Variants in CEACAM21 observed in about 807,000 individuals in gnomAD.
CEACAM21 encodes the protein cell adhesion molecule CEACAM21.
In CEACAM21, 38 loss-of-function variants were observed where a neutral mutation model predicts 33.2. That is an observed-to-expected ratio of 1.14 (90% CI 0.88 to 1.50). CEACAM21 has a LOEUF of 1.50. Among genes scored for constraint, CEACAM21 ranks in the 40% most tolerant of loss-of-function variants. The pLI, the probability that CEACAM21 is intolerant of heterozygous loss-of-function variation, is 0.00. For synonymous variants in CEACAM21, 156 were observed against 143.0 expected (o/e 1.09, Z -0.65); for missense variants, 385 against 364.6 (o/e 1.06, Z -0.46).
At chr19:41,585,671 C>A (rs1272792291) in intron 5 of CEACAM21, among the ~76,000 whole-genome samples, 169 bp from the exon 6 acceptor site, 1 of 152,150 alleles carries the variant, frequency 6.6e-6, no homozygotes, top group Non-Finnish European at 1.5e-5. Context: ...CCTCCGGGCT[C>A]TGGGTCATGG....
intron 1 of CEACAM21, chr19:41,555,036 T>G (rs1319367791): frequency 6.6e-6 from 1 of 152,060 alleles, no homozygotes; most frequent in Non-Finnish European, 1.5e-5. Flanking sequence ...CATGTGAACT[T>G]CACCCACCAC....
chr19:41,580,419 A>T (rs2122258765), intron 3 of CEACAM21, among the ~76,000 whole-genome samples: 1 of 152,298 alleles, frequency 6.6e-6, no homozygotes, highest in South Asian at 2.1e-4. Flanking sequence ...ATATCAGCAG[A>T]GGGCTCAGTC....
Position 41,567,398 on chromosome 19 carries a change from A to T in CEACAM21, c.-404+2342A>T, listed in dbSNP as rs115794408. Reference sequence around the variant, plus strand: ...AATGCACTTCTAGATATTACTATATAGAAATGTAGAAGTGTGCCAAGCTAA... The same window carrying T: ...AATGCACTTCTAGATATTACTATATTGAAATGTAGAAGTGTGCCAAGCTAA... On this transcript the variant is annotated intron_variant, in intron 2 of 7. Transcript: ENST00000407170. Among the ~76,000 whole-genome samples, 383 of 152,364 alleles carry T rather than the reference A, an allele frequency of 2.5e-3. 1 individual carries two copies. Among genetic ancestry groups the T allele is most frequent in the African/African-American group, 8.9e-3 (371 of 41,588 alleles).
intron 1 of CEACAM21, among the ~76,000 whole-genome samples, chr19:41,554,245 A>G (rs1177062865): frequency 2.0e-5 from 3 of 152,022 alleles, no homozygotes; most frequent in African/African-American, 7.2e-5. Flanking sequence ...AAAGTTATCA[A>G]AATTTGCATT....
rs1446632494 is a variant in CEACAM21, at chr19:41,586,797, C to T, written c.*334C>T. The T allele has an allele frequency of 3.4e-6, 1 of 296,892 alleles. No individual in the cohort carries two copies. The highest frequency in any genetic ancestry group is 8.3e-5 in the East Asian group (1 of 12,004). The allele number at this position is 296,892 out of a possible 1,614,324, so 18.4% of individuals were successfully genotyped here. A position where few individuals can be genotyped will look rare whatever the true frequency, so the allele number is the denominator to read the frequency against. On this transcript the variant is annotated 3_prime_UTR_variant, in exon 7 of 7. Coordinates refer to ENST00000401445, the MANE Select transcript of CEACAM21 (RefSeq NM_001098506.4). ...GGAAAGTGAATGGGCCTATGGCCCA[C>T]CCGGGGTCACCTGGAAAGGATCTGA...
chr19:41,552,866 T>C (rs1476897097), intron 1 of CEACAM21, among the ~76,000 whole-genome samples: 1 of 152,172 alleles, frequency 6.6e-6, no homozygotes, highest in African/African-American at 2.4e-5. Context: ...GTTTCGGTTG[T>C]CTAGTCTTCA....
chr19:41,578,769 G>A (rs962175445), intron 2 of CEACAM21, among the ~76,000 whole-genome samples: 2 of 152,190 alleles, frequency 1.3e-5, no homozygotes, highest in South Asian at 2.1e-4. Context: ...CTCACTGGAC[G>A]TGAAATCATG....
intron 1 of CEACAM21, among the ~76,000 whole-genome samples, chr19:41,552,657 G>A (rs1555784648): frequency 6.6e-6 from 1 of 152,196 alleles, no homozygotes; most frequent in African/African-American, 2.4e-5. Flanking sequence ...TAGGGAGATG[G>A]AGCATTGTAA....
In CEACAM21 at chr19:41,584,462, A is replaced by T; in HGVS notation, c.797+19A>T. On this transcript the variant is annotated intron_variant, in intron 4 of 6. Transcript: ENST00000401445. ...CTGGCAGGTACCACAGCTTTTCCCC[A>T]TTCTGCTCCCATCCTTCACGCTGAC... The T allele has an allele frequency of 6.3e-7, 1 of 1,589,518 alleles. No homozygotes were observed. The highest frequency in any genetic ancestry group is 8.6e-7 in the Non-Finnish European group (1 of 1,166,050).
intron 1 of CEACAM21, 99 bp from the exon 2 acceptor site, chr19:41,577,101 C>A: frequency 7.5e-7 from 1 of 1,337,016 alleles, no homozygotes; most frequent in Non-Finnish European, 1.0e-6. Context: ...ACACACACAC[C>A]CTCTAAGGCT....
chr19:41,567,884 G>T lies in CEACAM21; in HGVS notation c.-404+2828G>T, dbSNP rs540086516. 2.0e-4 allele frequency among the ~76,000 whole-genome samples: 27 copies of T among 134,620 alleles called. No individual in the cohort carries two copies. The South Asian group carries it at 6.1e-3, about 30-fold the overall frequency. 88.3% of individuals were successfully genotyped at this position (134,620 alleles called of 152,430 possible). A position where few individuals can be genotyped will look rare whatever the true frequency, so the allele number is the denominator to read the frequency against. On this transcript the variant is annotated intron_variant, in intron 2 of 7. Coordinates refer to the CEACAM21 transcript ENST00000407170. ...GATTGGGAATGTGGAGAAGAAAGGA[G>T]GAAGATGCAGTAAAAAAAAAAAAAA...
chr19:41,571,865 C>T (rs1306788450), upstream of CEACAM21, among the ~76,000 whole-genome samples: 3 of 152,104 alleles, frequency 2.0e-5, no homozygotes, highest in African/African-American at 7.2e-5. Flanking sequence ...TCACCAGTCA[C>T]CTCTCCACCT....
At position 41,564,489 on chromosome 19, in the gene CEACAM21, A is replaced by T. The variant is rs1343904891; in HGVS notation, c.-778-193A>T. On this transcript the variant is annotated intron_variant, in intron 1 of 7. Coordinates refer to the CEACAM21 transcript ENST00000407170. ...CCTTACCGCCAGGGAACTTAGCCTG[A>T]CGACACTCCGCCCCATCGGGTCAGG... Among the ~76,000 whole-genome samples the T allele has an allele frequency of 2.0e-5, 3 of 152,062 alleles. No individual in the cohort carries two copies. The East Asian group carries it at 5.8e-4, about 29-fold the overall frequency.
upstream of CEACAM21, among the ~76,000 whole-genome samples, chr19:41,571,393 C>T (rs1027651076): frequency 6.6e-6 from 1 of 152,146 alleles, no homozygotes; most frequent in Non-Finnish European, 1.5e-5. Flanking sequence ...ATGACATGGG[C>T]TTTCCAAGGA....
At chr19:41,567,026 A>G (rs2122193277) in intron 2 of CEACAM21, among the ~76,000 whole-genome samples, 1 of 152,104 alleles carries the variant, frequency 6.6e-6, no homozygotes, top group African/African-American at 2.4e-5. Context: ...TGATTAATCA[A>G]TTTATATTTT....
Position 41,584,875 on chromosome 19 carries a change from A to G in CEACAM21, c.797+432A>G, listed in dbSNP as rs923835304. Among the ~76,000 whole-genome samples the G allele has an allele frequency of 7.2e-5, 11 of 152,292 alleles. No individual in the cohort carries two copies. The South Asian group carries it at 1.0e-3, about 14-fold the overall frequency. On this transcript the variant is annotated intron_variant, in intron 4 of 6. Coordinates refer to ENST00000401445, the MANE Select transcript of CEACAM21 (RefSeq NM_001098506.4). ...TGGGGTCAGCACCCCTTTGACTGAC[A>G]TGGTAACTGCAGACACTGAGCTGTG...
upstream of CEACAM21, among the ~76,000 whole-genome samples, chr19:41,573,254 G>A (rs774861086): frequency 8.5e-5 from 13 of 152,194 alleles, no homozygotes; most frequent in Non-Finnish European, 1.5e-4. Context: ...CACCAGCCCA[G>A]GAGAGGAATC....
intron 1 of CEACAM21, among the ~76,000 whole-genome samples, chr19:41,554,610 T>C (rs1475562924): frequency 1.3e-5 from 2 of 152,096 alleles, no homozygotes; most frequent in African/African-American, 4.8e-5. Flanking sequence ...ATTTCACCTT[T>C]ACATTAGTGT....
intron 2 of CEACAM21, among the ~76,000 whole-genome samples, chr19:41,569,116 T>A (rs543261045): frequency 6.7e-4 from 102 of 152,354 alleles, no homozygotes; most frequent in Non-Finnish European, 1.3e-3. Flanking sequence ...CTTTTTCAGA[T>A]AATTCATTAT....
Sources: gnomAD v4.1 joint callset for allele counts (sites outside exome capture counted in the v4.1 genomes callset) on GRCh38, gnomAD v4.1.1 for gene constraint, MANE v1.5 for transcripts, NCBI Gene and HGNC (gene_info 2026-07-23, HGNC 2026-07-21) for gene names.